Variants in THRAP3 observed in about 807,000 individuals in gnomAD.
THRAP3 encodes the protein thyroid hormone receptor-associated protein 3.
In THRAP3, 16 loss-of-function variants were observed where a neutral mutation model predicts 101.0. The observed-to-expected ratio is 0.16, with a 90% CI of 0.11 to 0.24. The LOEUF is 0.24. Among genes scored for constraint, THRAP3 ranks in the 10% least tolerant of loss-of-function variants. The pLI, the probability that THRAP3 is intolerant of heterozygous loss-of-function variation, is 1.00. For synonymous variants in THRAP3, 407 were observed against 422.6 expected, an observed-to-expected ratio of 0.96 and a Z score of 0.45; for missense variants, 989 against 1,202.7, an observed-to-expected ratio of 0.82 and a Z score of 2.63.
rs1396367147 is a variant in THRAP3, at chr1:36,286,908, C to G, written c.678C>G (p.Ala226=). 13 of 1,614,194 alleles carry G rather than the reference C, an allele frequency of 8.1e-6. No individual in the cohort carries two copies. The highest frequency in any genetic ancestry group is 1.1e-5 in the Non-Finnish European group (13 of 1,180,012). The change falls in exon 4 of 12, where the codon GCC becomes GCG. Residue 226 remains alanine (A), a synonymous_variant. Coordinates refer to ENST00000354618, the MANE Select transcript of THRAP3 (RefSeq NM_005119.4). This position sits in a 1 kb window ranked among gnomAD's most constrained non-coding sequence, Gnocchi z 5.5. ...ASESSKPWPD[A]TYGTGSASRA... ...AGAGCTCGAAGCCATGGCCAGATGC[C>G]ACCTACGGCACTGGTTCTGCATCAC...
chr1:36,298,429 A>T (rs1395916124), intron 9 of THRAP3, among the ~76,000 whole-genome samples: 14 of 152,108 alleles, frequency 9.2e-5, no homozygotes, highest in Non-Finnish European at 2.9e-5. Context: ...ACACATGCCT[A>T]CCTCTGACTT....
chr1:36,230,960 C>G (rs1048784838), intron 1 of THRAP3, among the ~76,000 whole-genome samples: 4 of 152,142 alleles, frequency 2.6e-5, no homozygotes, highest in African/African-American at 9.7e-5. Flanking sequence ...CATGTCATTT[C>G]CAATTTGCCC....
At chr1:36,231,078 C>G (rs796520699) in intron 1 of THRAP3, among the ~76,000 whole-genome samples, 11 of 152,236 alleles carry the variant, frequency 7.2e-5, no homozygotes, top group African/African-American at 2.6e-4. Flanking sequence ...TCTTTTATTA[C>G]CTGTTCTGGA....
intron 1 of THRAP3, among the ~76,000 whole-genome samples, chr1:36,232,173 AC>A (rs1160737888): frequency 6.6e-6 from 1 of 152,108 alleles, no homozygotes; most frequent in African/African-American, 2.4e-5. Context: ...CTGAGGTTGT[AC>A]CACTATACTC....
At chr1:36,269,592 A>G (rs746953161) in intron 2 of THRAP3, among the ~76,000 whole-genome samples, 3 of 152,186 alleles carry the variant, frequency 2.0e-5, no homozygotes, top group Non-Finnish European at 4.4e-5. Flanking sequence ...TTTGCAGAGC[A>G]CACACGTGGA....
At chr1:36,270,362 C>A (rs1001266266) in intron 2 of THRAP3, among the ~76,000 whole-genome samples, 1 of 152,044 alleles carries the variant, frequency 6.6e-6, no homozygotes, top group Non-Finnish European at 1.5e-5. Context: ...CCACTGCACT[C>A]CAGTCTGAAA....
At chr1:36,228,593 G>A (rs1003140130) in intron 1 of THRAP3, among the ~76,000 whole-genome samples, 2 of 152,160 alleles carry the variant, frequency 1.3e-5, no homozygotes, top group Admixed American at 6.6e-5. Flanking sequence ...GAACTCAGGT[G>A]ATCCAACGGG....
intron 2 of THRAP3, among the ~76,000 whole-genome samples, chr1:36,268,128 C>T (rs12036627): frequency 0.8 from 121,273 of 151,756 alleles, 50,010 homozygotes; most frequent in East Asian, 0.94. Flanking sequence ...TGTAGTGAGC[C>T]GAGATCATGT....
chr1:36,274,097 CACACACACACAG>C (rs1404154692), intron 2 of THRAP3, among the ~76,000 whole-genome samples: 3 of 146,690 alleles, frequency 2.0e-5, no homozygotes, highest in Admixed American at 1.3e-4. Flanking sequence ...CACACACACA[CACACACACACAG>C]ACAAAATGAG....
At chr1:36,272,052 A>AT (rs1455392866) in intron 2 of THRAP3, among the ~76,000 whole-genome samples, 2 of 150,256 alleles carry the variant, frequency 1.3e-5, no homozygotes, top group African/African-American at 2.5e-5. Flanking sequence ...TTTATTTTTT[A>AT]TTTTTTTTGT....
chr1:36,210,555 G>A, the THRAP3 span, among the ~76,000 whole-genome samples: 1 of 143,572 alleles, frequency 7.0e-6, no homozygotes, highest in Admixed American at 7.2e-5. Flanking sequence ...GCTGGATGTG[G>A]TGTCGTGCGC....
chr1:36,236,509 C>T (rs1483487296), intron 1 of THRAP3, among the ~76,000 whole-genome samples: 1 of 151,810 alleles, frequency 6.6e-6, no homozygotes, highest in Non-Finnish European at 1.5e-5. Flanking sequence ...AGTCTTCCTT[C>T]CCCTCCCTTC....
At chr1:36,277,762 T>A (rs921062100) in intron 2 of THRAP3, among the ~76,000 whole-genome samples, 5 of 152,036 alleles carry the variant, frequency 3.3e-5, no homozygotes, top group Non-Finnish European at 5.9e-5. Flanking sequence ...AAAAAATTAT[T>A]ATGATTATTA....
intron 1 of THRAP3, among the ~76,000 whole-genome samples, chr1:36,239,146 C>T (rs556569344): frequency 2.0e-5 from 3 of 151,684 alleles, no homozygotes; most frequent in Admixed American, 6.6e-5. Flanking sequence ...GCTGGTGATC[C>T]GCCCGCCTCG....
At chr1:36,282,396 A>ATTTT in intron 2 of THRAP3, 137 bp from the exon 3 acceptor site, 1 of 500,242 alleles carries the variant, frequency 2.0e-6, no homozygotes. Context: ...TTAAAAAAAA[A>ATTTT]TTTTTTTTTT....
Position 36,289,367 on chromosome 1 carries a change from C to T in THRAP3, c.1348C>T (p.Pro450Ser), listed in dbSNP as rs750985170. The change falls in exon 5 of 12, where the codon CCC becomes TCC. Residue 450 changes from proline (P) to serine (S), a missense_variant. By Grantham distance (74) the Pro-to-Ser change is moderately conservative (BLOSUM62 -1). Coordinates refer to ENST00000354618, the MANE Select transcript of THRAP3 (RefSeq NM_005119.4). ...AAAGGAATCTGAGTTTGATGATGAA[C>T]CCAAATTTATGTCTAAAGTCATAGG... ...GRKESEFDDE[P>S]KFMSKVIGAN... 2 of 1,613,896 alleles carry T rather than the reference C, an allele frequency of 1.2e-6. No individual in the cohort carries two copies. Among genetic ancestry groups the T allele is most frequent in the African/African-American group, 1.3e-5 (1 of 74,838 alleles).
At chr1:36,212,841 A>G in the THRAP3 span, among the ~76,000 whole-genome samples, 1 of 152,206 alleles carries the variant, frequency 6.6e-6, no homozygotes, top group Non-Finnish European at 1.5e-5. Context: ...TACCATGTGC[A>G]GAAATTACAA....
intron 2 of THRAP3, among the ~76,000 whole-genome samples, chr1:36,271,591 C>CTTTTTTTT (rs34782789): frequency 1.7e-5 from 1 of 60,132 alleles, no homozygotes; most frequent in African/African-American, 6.0e-5. Context: ...TTTTTCTTAT[C>CTTTTTTTT]TTTTTTTTTT....
chr1:36,304,011 C>T lies in THRAP3; in HGVS notation c.2862C>T (p.Thr954=), dbSNP rs139586563. The change falls in exon 12 of 12, where the codon ACC becomes ACT. Residue 954 remains threonine (T), a synonymous_variant. Transcript: ENST00000354618. The part of the protein sequence containing the change: ...REEKDNIQPT[T]E ...AGAAGGACAATATACAGCCCACAAC[C>T]GAGTAGGGGCCACCCTTGACGGGAT... The T allele has an allele frequency of 4.4e-5, 68 of 1,538,600 alleles. No individual in the cohort carries two copies. In the African/African-American group the frequency reaches 8.0e-4, roughly 18 times the overall value.
Sources: gnomAD v4.1 joint callset for allele counts (sites outside exome capture counted in the v4.1 genomes callset) on GRCh38, gnomAD v4.1.1 for gene constraint, Gnocchi (gnomAD v3.1) non-coding constraint, MANE v1.5 for transcripts, NCBI Gene and HGNC (gene_info 2026-07-23, HGNC 2026-07-21) for gene names.